Variants in EPC2 observed in about 807,000 individuals in gnomAD.
The protein encoded by EPC2 is enhancer of polycomb 2.
A neutral mutation model predicts 92.1 loss-of-function variants in EPC2; 14 were observed. The ratio of observed to expected loss-of-function variants is 0.15; its 90% confidence interval spans 0.10 to 0.24. The LOEUF is 0.24. Ranked by LOEUF, EPC2 falls within the 10% of genes least tolerant of loss-of-function variation. The pLI is 1.00. For missense variants in EPC2, 755 were observed against 971.5 expected (o/e 0.78, Z 2.96); for synonymous variants, 340 against 334.7 (o/e 1.02, Z -0.17).
At chr2:148,732,529 C>T (rs1046221714) in intron 2 of EPC2, among the ~76,000 whole-genome samples, 7 of 151,968 alleles carry the variant, frequency 4.6e-5, no homozygotes, top group South Asian at 2.1e-4. Flanking sequence ...TATAGGTGCG[C>T]GCTACTGTGC....
intron 1 of EPC2, among the ~76,000 whole-genome samples, chr2:148,672,325 G>C (rs1030110734): frequency 6.6e-6 from 1 of 152,010 alleles, no homozygotes; most frequent in African/African-American, 2.4e-5. Flanking sequence ...TCACTTTCAG[G>C]CTATGTTTGT....
chr2:148,749,388 A>T (rs1051459175), intron 3 of EPC2, among the ~76,000 whole-genome samples: 1 of 152,138 alleles, frequency 6.6e-6, no homozygotes, highest in Admixed American at 6.6e-5. Context: ...TGCAAATAGA[A>T]ACTTTGACTG....
In EPC2 at chr2:148,747,568, T is replaced by G. The variant is rs138177227; in HGVS notation, c.459+3801T>G. Among the ~76,000 whole-genome samples the G allele has an allele frequency of 3.8e-4, 58 of 152,180 alleles. No homozygotes were observed. In the East Asian group the frequency reaches 9.5e-3, roughly 25 times the overall value. ...CAGAAGTTTGGCTATACTTGGTGCT[T>G]CTTATGTTTACCTTTTACCCACATC... On this transcript the variant is annotated intron_variant, in intron 3 of 13. Coordinates refer to ENST00000258484, the MANE Select transcript of EPC2 (RefSeq NM_015630.4).
intron 10 of EPC2, among the ~76,000 whole-genome samples, chr2:148,778,072 A>G (rs1051262212): frequency 6.6e-6 from 1 of 152,214 alleles, no homozygotes; most frequent in African/African-American, 2.4e-5. Flanking sequence ...AGGGAAAGGA[A>G]TGCTTCTCAT....
chr2:148,669,575 G>A (rs1430335166), intron 1 of EPC2, among the ~76,000 whole-genome samples: 1 of 152,136 alleles, frequency 6.6e-6, no homozygotes, highest in East Asian at 1.9e-4. Context: ...CCAGTTACTC[G>A]TGAGGCTGAG....
chr2:148,697,980 A>G (rs961429085), intron 2 of EPC2, among the ~76,000 whole-genome samples: 1 of 152,180 alleles, frequency 6.6e-6, no homozygotes, highest in African/African-American at 2.4e-5. Context: ...ATTTGCTTTC[A>G]ATGAAATTGG....
intron 2 of EPC2, among the ~76,000 whole-genome samples, chr2:148,729,011 G>A (rs532025552): frequency 8.0e-5 from 9 of 112,726 alleles, no homozygotes; most frequent in East Asian, 5.0e-4. Flanking sequence ...CAGCCTGGGC[G>A]ACAGAGCGAA....
chr2:148,712,604 T>C (rs1371062050), intron 2 of EPC2, among the ~76,000 whole-genome samples: 1 of 152,170 alleles, frequency 6.6e-6, no homozygotes, highest in Non-Finnish European at 1.5e-5. Flanking sequence ...GTATAGCACA[T>C]ACAGGCCAGG....
At chr2:148,681,378 G>C (rs901890179) in intron 1 of EPC2, among the ~76,000 whole-genome samples, 16 of 152,152 alleles carry the variant, frequency 1.1e-4, no homozygotes, top group Non-Finnish European at 1.8e-4. Context: ...GCTGTGTGGA[G>C]AATGGCAGGT....
At position 148,645,316 on chromosome 2, in the gene EPC2, C is replaced by G. The variant is rs1683772193; in HGVS notation, c.153+146C>G. 8 of 711,864 alleles carry G rather than the reference C, an allele frequency of 1.1e-5. No homozygotes were observed. The East Asian group carries it at 1.9e-4, about 17-fold the overall frequency. The allele number at this position is 711,864 out of a possible 1,614,324, so 44.1% of individuals were successfully genotyped here. On this transcript the variant is annotated intron_variant, in intron 1 of 13. Coordinates refer to ENST00000258484, the MANE Select transcript of EPC2 (RefSeq NM_015630.4). ...ACGGGACTCTACGCCGGCGGAGTAG[C>G]GTAAACCCTCTCGGCCGGCGTAGCG...
chr2:148,707,318 C>T (rs935880412), intron 2 of EPC2, among the ~76,000 whole-genome samples: 1 of 152,142 alleles, frequency 6.6e-6, no homozygotes, highest in Non-Finnish European at 1.5e-5. Flanking sequence ...TATAAATGCA[C>T]CCAATACAGG....
At chr2:148,647,379 C>G (rs1336466240) in intron 1 of EPC2, among the ~76,000 whole-genome samples, 1 of 152,146 alleles carries the variant, frequency 6.6e-6, no homozygotes, top group East Asian at 1.9e-4. Flanking sequence ...GCGATCTCGG[C>G]TCACTGCAAC....
chr2:148,720,940 T>C (rs889222440), intron 2 of EPC2, among the ~76,000 whole-genome samples: 2 of 152,216 alleles, frequency 1.3e-5, no homozygotes, highest in Non-Finnish European at 2.9e-5. Context: ...GTCTTGGCCC[T>C]GTCCCCAGAA....
chr2:148,766,456 G>A (rs1443213169), intron 7 of EPC2, among the ~76,000 whole-genome samples: 3 of 152,160 alleles, frequency 2.0e-5, no homozygotes. Context: ...CCCTTCAGGA[G>A]CACTTAATGA....
chr2:148,683,349 C>T (rs903229208), intron 1 of EPC2, among the ~76,000 whole-genome samples: 3 of 151,794 alleles, frequency 2.0e-5, no homozygotes, highest in Middle Eastern at 3.4e-3. Context: ...CTCACTGCAA[C>T]CTCCACCTCC....
At chr2:148,677,147 C>T (rs1330226182) in intron 1 of EPC2, among the ~76,000 whole-genome samples, 1 of 152,196 alleles carries the variant, frequency 6.6e-6, no homozygotes, top group East Asian at 1.9e-4. Flanking sequence ...ACACAGTCCT[C>T]TAAAAACGTT....
At chr2:148,767,473 G>A (rs1683432010) in intron 7 of EPC2, among the ~76,000 whole-genome samples, 1 of 151,976 alleles carries the variant, frequency 6.6e-6, no homozygotes, top group Admixed American at 6.6e-5. Context: ...TTAATTTTAT[G>A]GTATCTCCAT....
intron 1 of EPC2, among the ~76,000 whole-genome samples, chr2:148,662,705 A>T (rs181670524): frequency 8.9e-4 from 136 of 152,308 alleles, no homozygotes; most frequent in African/African-American, 3.0e-3. Flanking sequence ...ATTAGGAGAT[A>T]TACCTAATCC....
chr2:148,693,201 C>T (rs1681677257), intron 2 of EPC2, among the ~76,000 whole-genome samples: 1 of 152,026 alleles, frequency 6.6e-6, no homozygotes, highest in Non-Finnish European at 1.5e-5. Context: ...GAAAATTTCA[C>T]TCTGGATTTT....
Sources: gnomAD v4.1 joint callset for allele counts (sites outside exome capture counted in the v4.1 genomes callset) on GRCh38, gnomAD v4.1.1 for gene constraint, MANE v1.5 for transcripts, NCBI Gene and HGNC (gene_info 2026-07-23, HGNC 2026-07-21) for gene names.